Variants in NTM observed in about 807,000 individuals in gnomAD.
The protein encoded by NTM is neurotrimin, also known as IgLON family member 2.
A neutral mutation model predicts 42.1 loss-of-function variants in NTM; 13 were observed. That is an observed-to-expected ratio of 0.31 (90% confidence interval 0.20 to 0.49). The LOEUF (loss-of-function observed/expected upper bound fraction) is 0.49, where lower values mean the gene tolerates loss of function less well. NTM is among the 20% of genes least tolerant of loss of function. NTM has a pLI of 0.99. For missense variants in NTM, 373 were observed against 452.8 expected, an observed-to-expected ratio of 0.82 and a Z score of 1.60; for synonymous variants, 187 against 179.2, an observed-to-expected ratio of 1.04 and a Z score of -0.35.
At chr11:131,667,995 G>T (rs1443412924) in intron 1 of NTM, among the ~76,000 whole-genome samples, 1 of 152,210 alleles carries the variant, frequency 6.6e-6, no homozygotes, top group Admixed American at 6.5e-5. Context: ...CTGGTGCCTT[G>T]TGCGGCTTGA....
chr11:131,460,138 T>C (rs1333533235), intron 1 of NTM, among the ~76,000 whole-genome samples: 1 of 152,166 alleles, frequency 6.6e-6, no homozygotes, highest in East Asian at 1.9e-4. Context: ...TCCAGCATTA[T>C]AAGCAGTCAG....
At chr11:131,406,901 T>C (rs1945867704) in intron 1 of NTM, among the ~76,000 whole-genome samples, 1 of 152,226 alleles carries the variant, frequency 6.6e-6, no homozygotes, top group Non-Finnish European at 1.5e-5. Context: ...TAACTTTTCA[T>C]TGAGCAGCTC....
At chr11:132,297,409 C>A (rs1040869224) in intron 4 of NTM, among the ~76,000 whole-genome samples, 3 of 152,096 alleles carry the variant, frequency 2.0e-5, no homozygotes, top group African/African-American at 7.2e-5. Flanking sequence ...GCCTGGCTTC[C>A]CTCCTCCTTC....
At chr11:131,447,729 T>C (rs910587990) in intron 1 of NTM, among the ~76,000 whole-genome samples, 4 of 152,128 alleles carry the variant, frequency 2.6e-5, no homozygotes, top group Admixed American at 2.0e-4. Flanking sequence ...TGATGGATAA[T>C]GTTAGATGTG....
At chr11:131,955,633 T>A (rs1387127106) in intron 2 of NTM, among the ~76,000 whole-genome samples, 1 of 152,030 alleles carries the variant, frequency 6.6e-6, no homozygotes, top group East Asian at 1.9e-4. Flanking sequence ...TTTCCTAAGG[T>A]AAGAATCGTG....
intron 1 of NTM, among the ~76,000 whole-genome samples, chr11:131,808,565 G>A (rs2092611724): frequency 6.6e-6 from 1 of 152,176 alleles, no homozygotes; most frequent in African/African-American, 2.4e-5. Context: ...ATATGTACAA[G>A]GTGCAAACAA....
chr11:131,558,324 C>T (rs913090593), intron 1 of NTM, among the ~76,000 whole-genome samples: 1 of 152,174 alleles, frequency 6.6e-6, no homozygotes, highest in East Asian at 1.9e-4. Context: ...GCTTACGATA[C>T]AGAGACCTGG....
At chr11:131,406,425 C>G (rs1438370958) in intron 1 of NTM, among the ~76,000 whole-genome samples, 1 of 152,114 alleles carries the variant, frequency 6.6e-6, no homozygotes, top group Non-Finnish European at 1.5e-5. Flanking sequence ...ACAATTTACA[C>G]AAACAAATAT....
At chr11:131,725,757 T>C (rs914975210) in intron 1 of NTM, among the ~76,000 whole-genome samples, 1 of 152,066 alleles carries the variant, frequency 6.6e-6, no homozygotes, top group Non-Finnish European at 1.5e-5. Flanking sequence ...ACACACTGGA[T>C]GGTGTTGAGC....
chr11:132,096,809 C>T (rs1403263591), intron 2 of NTM, among the ~76,000 whole-genome samples: 2 of 152,116 alleles, frequency 1.3e-5, no homozygotes, highest in African/African-American at 2.4e-5. Context: ...TTGGAAAACC[C>T]AGCTCACTAT....
chr11:131,662,992 C>T (rs2068350886), intron 1 of NTM, among the ~76,000 whole-genome samples: 1 of 152,070 alleles, frequency 6.6e-6, no homozygotes, highest in Non-Finnish European at 1.5e-5. Flanking sequence ...ATTCTCAGAA[C>T]CATGGGAATG....
At chr11:132,122,406 C>T (rs1406180541) in intron 2 of NTM, among the ~76,000 whole-genome samples, 1 of 152,172 alleles carries the variant, frequency 6.6e-6, no homozygotes, top group African/African-American at 2.4e-5. Flanking sequence ...AATCGGCCTC[C>T]CCTGGGGCTG....
At chr11:131,982,434 G>C (rs886772748) in intron 2 of NTM, among the ~76,000 whole-genome samples, 5 of 152,140 alleles carry the variant, frequency 3.3e-5, no homozygotes, top group Non-Finnish European at 7.4e-5. Context: ...GGAGAGACAC[G>C]AGAGGTGGGA....
At chr11:131,680,469 CTGTG>C (rs370862745) in intron 1 of NTM, among the ~76,000 whole-genome samples, 3 of 47,058 alleles carry the variant, frequency 6.4e-5, no homozygotes, top group African/African-American at 2.1e-4. Context: ...CTGTGAGTGC[CTGTG>C]TGTGTGCACG....
At chr11:132,094,617 T>C (rs991308190) in intron 2 of NTM, among the ~76,000 whole-genome samples, 1 of 152,264 alleles carries the variant, frequency 6.6e-6, no homozygotes, top group South Asian at 2.1e-4. Context: ...GAGTAGTGCA[T>C]TGAGGACACT....
intron 2 of NTM, among the ~76,000 whole-genome samples, chr11:132,042,631 A>C (rs1485327685): frequency 2.0e-5 from 3 of 152,178 alleles, no homozygotes; most frequent in Non-Finnish European, 4.4e-5. Context: ...AGAGCTGGGA[A>C]CACAAAATTG....
intron 3 of NTM, among the ~76,000 whole-genome samples, chr11:132,194,939 C>T (rs2079937769): frequency 6.7e-6 from 1 of 149,990 alleles, no homozygotes; most frequent in African/African-American, 2.5e-5. Context: ...TCTTGTACCT[C>T]AACCTCTTGA....
intron 1 of NTM, among the ~76,000 whole-genome samples, chr11:131,836,873 C>A (rs1005758970): frequency 1.3e-5 from 2 of 152,114 alleles, no homozygotes; most frequent in Non-Finnish European, 2.9e-5. Flanking sequence ...CTTTAATAGA[C>A]ATTATTTAGG....
chr11:131,636,728 A>G (rs2064446534), intron 1 of NTM, among the ~76,000 whole-genome samples: 1 of 152,198 alleles, frequency 6.6e-6, no homozygotes, highest in South Asian at 2.1e-4. Flanking sequence ...CTAACAGGCT[A>G]TGAAACCTTG....
Sources: gnomAD v4.1 joint callset for allele counts (sites outside exome capture counted in the v4.1 genomes callset) on GRCh38, gnomAD v4.1.1 for gene constraint, MANE v1.5 for transcripts, NCBI Gene and HGNC (gene_info 2026-07-23, HGNC 2026-07-21) for gene names.